DRD2: variants seen among roughly 807,000 people sequenced by gnomAD.
DRD2 encodes the protein D(2) dopamine receptor.
Under a neutral mutation model 38.0 loss-of-function variants are expected in DRD2, and 8 were observed. That is an observed-to-expected ratio of 0.21 (90% confidence interval 0.12 to 0.38). DRD2 has a LOEUF of 0.38. DRD2 is among the 10% of genes least tolerant of loss of function. DRD2 has a pLI of 1.00. For missense variants in DRD2, 403 were observed against 607.7 expected (o/e 0.66, Z 3.54); for synonymous variants, 230 against 238.6 (o/e 0.96, Z 0.33).
At position 113,415,628 on chromosome 11, in the gene DRD2, C is replaced by G. The variant is rs1356247557; in HGVS notation, c.533-17G>C. ...CGTTCTGGTCTGGGGGAGGGAGAGC[C>G]CGGGCAGGCAGGGAGTCAGCGGGCC... On this transcript the variant is annotated splice_polypyrimidine_tract_variant and intron_variant, in intron 4 of 7. Transcript: ENST00000362072. 8.1e-6 allele frequency: 13 copies of G among 1,603,532 alleles called. No individual in the cohort carries two copies. The highest frequency in any genetic ancestry group is 1.3e-5 in the African/African-American group (1 of 74,616).
chr11:113,416,714 C>A, intron 4 of DRD2, 149 bp downstream of exon 4: 3 of 1,199,308 alleles, frequency 2.5e-6, no homozygotes, highest in Non-Finnish European at 3.6e-6. Context: ...TGGCCCAGGA[C>A]ACGTAGCCTG....
intron 1 of DRD2, among the ~76,000 whole-genome samples, chr11:113,438,824 G>C (rs1243307734): frequency 6.6e-6 from 1 of 152,222 alleles, no homozygotes. Context: ...GATGTGATAA[G>C]GCTTGGCAGA....
intron 2 of DRD2, among the ~76,000 whole-genome samples, chr11:113,421,015 G>T (rs1335885998): frequency 6.6e-6 from 1 of 152,130 alleles, no homozygotes; most frequent in Non-Finnish European, 1.5e-5. Flanking sequence ...CTTACCATGT[G>T]TCAGGCACTG....
At chr11:113,468,336 A>G (rs1017210830) in intron 1 of DRD2, among the ~76,000 whole-genome samples, 15 of 152,316 alleles carry the variant, frequency 9.8e-5, no homozygotes, top group Admixed American at 9.1e-4. Context: ...GTGACTAAAT[A>G]TTGATATATG....
At chr11:113,415,228 T>C in intron 5 of DRD2, 193 bp downstream of exon 5, 1 of 532,784 alleles carries the variant, frequency 1.9e-6, no homozygotes, top group South Asian at 5.3e-5. Flanking sequence ...CCTGCCTCCC[T>C]CTCCTGGAGA....
chr11:113,423,431 A>G (rs1477885351), intron 2 of DRD2, among the ~76,000 whole-genome samples: 2 of 152,076 alleles, frequency 1.3e-5, no homozygotes, highest in African/African-American at 4.8e-5. Flanking sequence ...ATATGCCACC[A>G]CACCTGGCTA....
intron 1 of DRD2, among the ~76,000 whole-genome samples, chr11:113,427,827 G>C (rs2138185623): frequency 6.6e-6 from 1 of 152,304 alleles, no homozygotes; most frequent in South Asian, 2.1e-4. Flanking sequence ...CTCAGAATGT[G>C]ACTGTATTAG....
chr11:113,440,380 C>T (rs1591290240), intron 1 of DRD2, among the ~76,000 whole-genome samples: 1 of 152,222 alleles, frequency 6.6e-6, no homozygotes, highest in Admixed American at 6.5e-5. Flanking sequence ...GATGATTCCC[C>T]CCAGACTTTC....
At chr11:113,434,744 T>C (rs1281798991) in intron 1 of DRD2, among the ~76,000 whole-genome samples, 1 of 152,010 alleles carries the variant, frequency 6.6e-6, no homozygotes, top group Non-Finnish European at 1.5e-5. Context: ...CAGCACCCTG[T>C]GGGAGGGAAG....
intron 1 of DRD2, among the ~76,000 whole-genome samples, chr11:113,460,311 A>T (rs535700687): frequency 2.0e-5 from 3 of 152,350 alleles, no homozygotes; most frequent in South Asian, 4.1e-4. Context: ...CCACAGGCTG[A>T]TGGAACAGGG....
intron 4 of DRD2, among the ~76,000 whole-genome samples, chr11:113,415,916 G>A (rs1950821360): frequency 6.6e-6 from 1 of 152,236 alleles, no homozygotes; most frequent in African/African-American, 2.4e-5. Flanking sequence ...AACAAGTGAA[G>A]CCGATGTATC....
intron 2 of DRD2, among the ~76,000 whole-genome samples, chr11:113,421,540 G>A (rs769313663): frequency 3.3e-5 from 5 of 152,124 alleles, no homozygotes; most frequent in Non-Finnish European, 7.4e-5. Flanking sequence ...TCTTCCAATA[G>A]CATCTAGATG....
intron 1 of DRD2, among the ~76,000 whole-genome samples, chr11:113,465,277 T>C (rs1565680010): frequency 1.3e-5 from 2 of 152,312 alleles, no homozygotes; most frequent in East Asian, 3.9e-4. Flanking sequence ...AGTTTTGTAG[T>C]AGAGATGAGC....
intron 1 of DRD2, among the ~76,000 whole-genome samples, chr11:113,473,565 C>A (rs912631284): frequency 1.3e-5 from 2 of 152,220 alleles, no homozygotes; most frequent in Non-Finnish European, 2.9e-5. Flanking sequence ...GCTGGGACTA[C>A]CCTGGCCCTC....
intron 1 of DRD2, among the ~76,000 whole-genome samples, chr11:113,427,917 T>C (rs1172606257): frequency 5.3e-5 from 8 of 152,108 alleles, no homozygotes; most frequent in Admixed American, 5.2e-4. Flanking sequence ...CTGGAGTCCT[T>C]ATAAGAGGAG....
At chr11:113,435,160 C>CCAGGGTCTGCAGCGGGGTGAGG (rs1469050626) in intron 1 of DRD2, among the ~76,000 whole-genome samples, 1 of 152,134 alleles carries the variant, frequency 6.6e-6, no homozygotes, top group Admixed American at 6.5e-5. Context: ...TTGCAGGCCT[C>CCAGGGTCTGCAGCGGGGTGAGG]CAGGGTCTGC....
At chr11:113,465,411 GTTGTTTGTTTGTTTGTTTGT>G (rs6144513) in intron 1 of DRD2, among the ~76,000 whole-genome samples, 1 of 150,506 alleles carries the variant, frequency 6.6e-6, no homozygotes, top group African/African-American at 2.4e-5. Context: ...TGTTGTTGTT[GTTGTTTGTTTGTTTGTTTGT>G]TTGTTTGTTT....
In DRD2 at chr11:113,412,591, T is replaced by C; in HGVS notation, c.1103A>G (p.Glu368Gly). 1 of 1,614,116 alleles carries C rather than the reference T, an allele frequency of 6.2e-7. No homozygotes were observed. The highest frequency in any genetic ancestry group is 8.5e-7 in the Non-Finnish European group (1 of 1,180,028). ...MSRRKLSQQK[E>G]KKATQMLAIV... ...GGCGAGCATCTGAGTGGCTTTCTTC[T>C]CCTTCTGCTGGGAGAGCTTCCTACG... The change falls in exon 7 of 8, where the codon GAG (glutamate) becomes GGG (glycine). Residue 368 changes from glutamate to glycine, a missense_variant. Glu to Gly is a moderately conservative substitution (Grantham distance 98). This residue lies in a region of DRD2 where 67 missense variants were observed against 136.1 expected (regional missense o/e 0.49). Transcript: ENST00000362072.
chr11:113,448,488 T>C (rs1223207399), intron 1 of DRD2, among the ~76,000 whole-genome samples: 2 of 152,198 alleles, frequency 1.3e-5, no homozygotes, highest in Admixed American at 6.5e-5. Flanking sequence ...ACTGCTACAA[T>C]ATTTTTCCTT....
Sources: allele counts gnomAD v4.1 joint callset (sites outside exome capture counted in the v4.1 genomes callset), GRCh38; gene constraint gnomAD v4.1.1; regional missense constraint gnomAD v4.1.1; transcripts MANE v1.5; gene names NCBI Gene and HGNC (gene_info 2026-07-23, HGNC 2026-07-21).